The following GCNT2 variants were observed in gnomAD, a reference collection of about 807,000 sequenced individuals.
GCNT2 encodes the protein N-acetyllactosaminide beta-1,6-N-acetylglucosaminyl-transferase.
Under a neutral mutation model 34.2 loss-of-function variants are expected in GCNT2, and 34 were observed. The observed-to-expected ratio is 1.00, with a 90% CI of 0.76 to 1.32. The LOEUF (loss-of-function observed/expected upper bound fraction) is 1.32, where lower values mean the gene tolerates loss of function less well. Among genes scored for constraint, GCNT2 ranks in the 40% most tolerant of loss-of-function variants. The pLI is 0.00. For missense variants in GCNT2, 584 were observed against 489.4 expected (o/e 1.19, Z -1.82); for synonymous variants, 212 against 188.0 (o/e 1.13, Z -1.04).
intron 3 of GCNT2, among the ~76,000 whole-genome samples, chr6:10,561,142 G>A (rs1047635751): frequency 6.6e-6 from 1 of 152,034 alleles, no homozygotes; most frequent in Non-Finnish European, 1.5e-5. Flanking sequence ...TAGCTCTCCC[G>A]GCTCTTCTTT....
In GCNT2 at chr6:10,537,560, G is replaced by T. The variant is rs577038995; in HGVS notation, c.925+7724G>T. Among the ~76,000 whole-genome samples, 305 of 151,830 alleles carry T rather than the reference G, an allele frequency of 2.0e-3. 3 individuals carry two copies. Among genetic ancestry groups the T allele is most frequent in the African/African-American group, 7.0e-3 (288 of 41,388 alleles). On this transcript the variant is annotated intron_variant, in intron 3 of 4. Coordinates refer to ENST00000495262, the MANE Select transcript of GCNT2 (RefSeq NM_145649.5). Reference sequence around the variant, plus strand: ...TACTAAAAATACAAAAATTAGCCGGGCGTGGTGGCGGGCACCTGTAATCCC... The same window carrying T: ...TACTAAAAATACAAAAATTAGCCGGTCGTGGTGGCGGGCACCTGTAATCCC...
intron 3 of GCNT2, among the ~76,000 whole-genome samples, chr6:10,548,366 G>C (rs1025620170): frequency 1.3e-5 from 2 of 152,170 alleles, no homozygotes; most frequent in African/African-American, 4.8e-5. Context: ...ACCACAAAAG[G>C]CTGCTGCAAC....
intron 3 of GCNT2, among the ~76,000 whole-genome samples, chr6:10,542,372 A>C (rs1762072999): frequency 6.6e-6 from 1 of 151,986 alleles, no homozygotes; most frequent in South Asian, 2.1e-4. Context: ...CATAGGGTGA[A>C]ATTTATGACA....
At chr6:10,618,192 A>G (rs1231247764) in intron 3 of GCNT2, among the ~76,000 whole-genome samples, 1 of 152,242 alleles carries the variant, frequency 6.6e-6, no homozygotes, top group East Asian at 1.9e-4. Flanking sequence ...GTAGAATTCA[A>G]CTTGTTCTGT....
intron 3 of GCNT2, among the ~76,000 whole-genome samples, chr6:10,610,209 G>T (rs889318951): frequency 1.3e-5 from 2 of 152,174 alleles, no homozygotes; most frequent in Non-Finnish European, 2.9e-5. Context: ...ATCCATTGGC[G>T]ACTCCTGTAC....
intron 3 of GCNT2, among the ~76,000 whole-genome samples, chr6:10,582,386 T>G (rs1296176035): frequency 8.3e-6 from 1 of 120,458 alleles, no homozygotes; most frequent in Non-Finnish European, 1.6e-5. Flanking sequence ...ATTTAATATT[T>G]ATTATATACT....
At position 10,529,571 on chromosome 6, in the gene GCNT2, G is replaced by A; in HGVS notation, c.660G>A (p.Leu220=). 2 of 1,614,124 alleles carry A rather than the reference G, an allele frequency of 1.2e-6. No individual in the cohort carries two copies. Among genetic ancestry groups the A allele is most frequent in the South Asian group, 2.2e-5 (2 of 91,074 alleles). ...GGAAAAATATCACCCCCGGAGTGCT[G>A]CCTCCTGACCACGCTGTTGGACGGA... ...FKGKNITPGV[L]PPDHAVGRTK... The change falls in exon 3 of 5, where the codon CTG becomes CTA. Residue 220 remains leucine (L), a synonymous_variant. Transcript: ENST00000495262.
rs1184540079 is a variant in GCNT2, at chr6:10,575,358, A to T, written c.925+45522A>T. 455 of 137,934 alleles carry T rather than the reference A, an allele frequency of 3.3e-3. 9 individuals carry two copies. In the East Asian group the frequency reaches 0.047, roughly 14 times the overall value. The allele number at this position is 137,934 out of a possible 1,614,324, so 8.5% of individuals were successfully genotyped here. ...GTTCTGGCCAAAAGGCTGGGTTGACATTTTTTTTTTTTTTTTTTTGGAGAT... is the reference window on the plus strand; with the variant it reads ...GTTCTGGCCAAAAGGCTGGGTTGACTTTTTTTTTTTTTTTTTTTTGGAGAT... On this transcript the variant is annotated intron_variant, in intron 3 of 4. Coordinates refer to ENST00000495262, the MANE Select transcript of GCNT2 (RefSeq NM_145649.5).
At chr6:10,554,955 G>A (rs983265737) in intron 3 of GCNT2, among the ~76,000 whole-genome samples, 1 of 152,198 alleles carries the variant, frequency 6.6e-6, no homozygotes. Context: ...GTGTCATTTG[G>A]TCGGAGTTCA....
chr6:10,610,383 C>G (rs1325288150), intron 3 of GCNT2, among the ~76,000 whole-genome samples: 2 of 152,184 alleles, frequency 1.3e-5, no homozygotes, highest in Non-Finnish European at 2.9e-5. Context: ...TTCACCACCT[C>G]AGGAAAATCT....
At chr6:10,586,389 G>A (rs1468471591) in intron 3 of GCNT2, 1 of 1,614,046 alleles carries the variant, frequency 6.2e-7, no homozygotes, top group African/African-American at 1.3e-5. Flanking sequence ...GAAAGCCCCA[G>A]CTGAGTATAA....
At chr6:10,550,762 C>T (rs1179881445) in intron 3 of GCNT2, among the ~76,000 whole-genome samples, 2 of 152,164 alleles carry the variant, frequency 1.3e-5, no homozygotes, top group African/African-American at 2.4e-5. Context: ...GGATTGTAGG[C>T]GTGAGCCACC....
intron 3 of GCNT2, chr6:10,555,924 G>A: frequency 9.9e-7 from 1 of 1,007,734 alleles, no homozygotes; most frequent in East Asian, 1.0e-4. Context: ...CGAACAACAA[G>A]AGAGGGCAAG....
At chr6:10,551,921 C>G (rs999961614) in intron 3 of GCNT2, among the ~76,000 whole-genome samples, 2 of 151,344 alleles carry the variant, frequency 1.3e-5, no homozygotes, top group Non-Finnish European at 2.9e-5. Flanking sequence ...CCATGCCCAG[C>G]TAATTTTTGT....
At chr6:10,542,291 T>C (rs1762069790) in intron 3 of GCNT2, among the ~76,000 whole-genome samples, 1 of 152,202 alleles carries the variant, frequency 6.6e-6, no homozygotes, top group African/African-American at 2.4e-5. Flanking sequence ...TGTAAGTTCT[T>C]ACACTGCTAC....
intron 3 of GCNT2, among the ~76,000 whole-genome samples, chr6:10,611,221 A>G (rs1232787435): frequency 6.6e-6 from 1 of 150,568 alleles, no homozygotes; most frequent in Non-Finnish European, 1.5e-5. Flanking sequence ...AGCCATGTCT[A>G]TTTGAAAAAA....
At chr6:10,585,735 A>T (rs548935209) in intron 3 of GCNT2, 11 of 1,378,530 alleles carry the variant, frequency 8.0e-6, no homozygotes, top group Middle Eastern at 2.7e-4. Context: ...CTTTGCAAAC[A>T]GCAGGGATTC....
intron 3 of GCNT2, among the ~76,000 whole-genome samples, chr6:10,618,835 T>TCTTGAATA (rs143880399): frequency 0.13 from 19,367 of 152,110 alleles, 1,985 homozygotes; most frequent in African/African-American, 0.28. Context: ...ATAGTGTTTT[T>TCTTGAATA]CTTGAATACT....
At chr6:10,595,029 G>A (rs1039914951) in intron 3 of GCNT2, among the ~76,000 whole-genome samples, 2 of 151,862 alleles carry the variant, frequency 1.3e-5, no homozygotes, top group Non-Finnish European at 1.5e-5. Flanking sequence ...ATTTCTTGTC[G>A]AGTCGGGGTT....
Sources: gnomAD v4.1 joint callset for allele counts (sites outside exome capture counted in the v4.1 genomes callset) on GRCh38, gnomAD v4.1.1 for gene constraint, MANE v1.5 for transcripts, NCBI Gene and HGNC (gene_info 2026-07-23, HGNC 2026-07-21) for gene names.